Variants in IGSF21 observed in about 807,000 individuals in gnomAD.
The protein encoded by IGSF21 is immunoglobulin superfamily member 21.
A neutral mutation model predicts 46.8 loss-of-function variants in IGSF21; 28 were observed. The observed-to-expected ratio is 0.60, with a 90% CI of 0.44 to 0.82. IGSF21 has a LOEUF of 0.82. Among genes scored for constraint, IGSF21 ranks in the 40% least tolerant of loss-of-function variants. The pLI, the probability that IGSF21 is intolerant of heterozygous loss-of-function variation, is 0.00. For missense variants in IGSF21, 624 were observed against 665.5 expected (o/e 0.94, Z 0.69); for synonymous variants, 284 against 273.6 (o/e 1.04, Z -0.38).
Position 18,365,546 on chromosome 1 carries a change from C to T in IGSF21, c.864C>T (p.Arg288=), listed in dbSNP as rs1467513953. 6 of 1,614,050 alleles carry T rather than the reference C, an allele frequency of 3.7e-6. No individual in the cohort carries two copies. The highest frequency in any genetic ancestry group is 5.1e-6 in the Non-Finnish European group (6 of 1,180,040). The change falls in exon 6 of 10, where the codon CGC becomes CGT. Residue 288 remains arginine, a synonymous_variant. Transcript: ENST00000251296. The surrounding 1 kb of genome is among the most constrained non-coding windows in gnomAD (Gnocchi z 4.8). The part of the protein sequence containing the change: ...VHSAEPTYFL[R]HSRTPSSDGT... ...GCGCCGAGCCCACCTACTTCCTGCG[C>T]CACAGCCGCACCCCGAGCAGTGACG...
intron 2 of IGSF21, among the ~76,000 whole-genome samples, chr1:18,254,854 CCATT>C (rs1183680077): frequency 4.4e-5 from 5 of 114,134 alleles, no homozygotes; most frequent in Admixed American, 1.9e-4. Flanking sequence ...ATCCATCCAT[CCATT>C]CATCCATCCA....
intron 1 of IGSF21, among the ~76,000 whole-genome samples, chr1:18,219,237 CA>C (rs1034593418): frequency 4.3e-4 from 65 of 152,168 alleles, no homozygotes; most frequent in African/African-American, 1.5e-3. Flanking sequence ...GAGTCTTCTC[CA>C]AAGTGGTGAC....
chr1:18,292,136 G>A (rs1037798799), intron 3 of IGSF21, 149 bp downstream of exon 3: 12 of 850,262 alleles, frequency 1.4e-5, no homozygotes, highest in Non-Finnish European at 2.0e-5. Flanking sequence ...TATGGAAGTG[G>A]GACCCATTCC....
chr1:18,294,955 G>A (rs886495448), intron 3 of IGSF21, among the ~76,000 whole-genome samples: 2 of 152,260 alleles, frequency 1.3e-5, no homozygotes, highest in Non-Finnish European at 1.5e-5. Flanking sequence ...ATCTCAACGA[G>A]AGAGAGTCCC....
At chr1:18,231,605 T>C (rs951319786) in intron 2 of IGSF21, among the ~76,000 whole-genome samples, 1 of 152,234 alleles carries the variant, frequency 6.6e-6, no homozygotes, top group Non-Finnish European at 1.5e-5. Context: ...ATGTTAACAT[T>C]TAAATTAAAT....
At chr1:18,359,383 A>AAAGAAAGAAAGAAAGG (rs1557659626) in intron 4 of IGSF21, among the ~76,000 whole-genome samples, 37 of 61,070 alleles carry the variant, frequency 6.1e-4, no homozygotes, top group Middle Eastern at 7.8e-3. Context: ...AGAAAGAAAG[A>AAAGAAAGAAAGAAAGG]AAGGAAGGAA....
intron 2 of IGSF21, among the ~76,000 whole-genome samples, chr1:18,287,113 G>A (rs1166906216): frequency 2.7e-5 from 4 of 149,846 alleles, no homozygotes; most frequent in African/African-American, 4.9e-5. Context: ...CCCGGGAGGC[G>A]GAGCTTGCAG....
chr1:18,170,433 T>G lies in IGSF21; in HGVS notation c.71-57465T>G, dbSNP rs140184157. Among the ~76,000 whole-genome samples the G allele has an allele frequency of 3.2e-3, 487 of 152,046 alleles. 1 individual carries two copies. The highest frequency in any genetic ancestry group is 0.011 in the African/African-American group (459 of 41,502). On this transcript the variant is annotated intron_variant, in intron 1 of 9. Coordinates refer to ENST00000251296, the MANE Select transcript of IGSF21 (RefSeq NM_032880.5). ...AGACCTCATTTGGATAATACATTAATATACAGAGTGCCAGGTCCCACTTCC... is the reference window on the plus strand; with the variant it reads ...AGACCTCATTTGGATAATACATTAAGATACAGAGTGCCAGGTCCCACTTCC...
intron 1 of IGSF21, among the ~76,000 whole-genome samples, chr1:18,161,329 C>A (rs1459451757): frequency 3.9e-5 from 6 of 152,050 alleles, no homozygotes; most frequent in Non-Finnish European, 7.4e-5. Context: ...CGCAGAGGAG[C>A]AAGCAGAGGT....
intron 6 of IGSF21, among the ~76,000 whole-genome samples, chr1:18,367,213 G>T (rs11260991): frequency 0.25 from 37,778 of 151,990 alleles, 5,089 homozygotes; most frequent in Non-Finnish European, 0.3. Context: ...GTGTTCTAGA[G>T]AGCTTCTGTT....
At chr1:18,206,433 C>A (rs922654578) in intron 1 of IGSF21, among the ~76,000 whole-genome samples, 1 of 151,872 alleles carries the variant, frequency 6.6e-6, no homozygotes, top group African/African-American at 2.4e-5. Context: ...CCTGTAATCC[C>A]AGCTACTGGG....
At chr1:18,121,617 C>T (rs573920815) in intron 1 of IGSF21, among the ~76,000 whole-genome samples, 8 of 152,182 alleles carry the variant, frequency 5.3e-5, no homozygotes, top group Non-Finnish European at 1.2e-4. Flanking sequence ...CACCTGCCCT[C>T]GCCGACATGC....
At chr1:18,280,597 CT>C (rs2085149448) in intron 2 of IGSF21, among the ~76,000 whole-genome samples, 1 of 152,158 alleles carries the variant, frequency 6.6e-6, no homozygotes, top group South Asian at 2.1e-4. Flanking sequence ...GATGGTGGTG[CT>C]ATTGCTATCC....
At chr1:18,205,817 A>G (rs1240214296) in intron 1 of IGSF21, among the ~76,000 whole-genome samples, 1 of 152,208 alleles carries the variant, frequency 6.6e-6, no homozygotes, top group African/African-American at 2.4e-5. Context: ...TCAAAATTCT[A>G]CCTACGGGGT....
chr1:18,139,962 A>G (rs995943801), intron 1 of IGSF21, among the ~76,000 whole-genome samples: 2 of 152,096 alleles, frequency 1.3e-5, no homozygotes, highest in African/African-American at 4.8e-5. Flanking sequence ...AAAAAATTTT[A>G]TTTAGACAGG....
At chr1:18,244,807 A>AAAT (rs879434282) in intron 2 of IGSF21, among the ~76,000 whole-genome samples, 14 of 152,014 alleles carry the variant, frequency 9.2e-5, no homozygotes, top group African/African-American at 1.2e-4. Context: ...TATTATCTGC[A>AAAT]AATAATAATA....
At chr1:18,293,673 A>C (rs932526171) in intron 3 of IGSF21, among the ~76,000 whole-genome samples, 1 of 152,232 alleles carries the variant, frequency 6.6e-6, no homozygotes, top group Admixed American at 6.5e-5. Context: ...TTTTGGAGAA[A>C]ATAGCTATTC....
chr1:18,307,655 G>T (rs142787640), intron 3 of IGSF21, among the ~76,000 whole-genome samples: 3 of 152,210 alleles, frequency 2.0e-5, no homozygotes, highest in Non-Finnish European at 4.4e-5. Flanking sequence ...AAGGGGATGC[G>T]CAATCCCCAT....
intron 4 of IGSF21, among the ~76,000 whole-genome samples, chr1:18,359,505 AAGG>A (rs1216110997): frequency 0.015 from 1,212 of 81,988 alleles, 35 homozygotes; most frequent in African/African-American, 0.063. Flanking sequence ...GGAAGGAAGG[AAGG>A]AAGGAAAAGC....
Sources: allele counts gnomAD v4.1 joint callset (sites outside exome capture counted in the v4.1 genomes callset), GRCh38; gene constraint gnomAD v4.1.1; non-coding constraint Gnocchi (gnomAD v3.1); transcripts MANE v1.5; gene names NCBI Gene and HGNC (gene_info 2026-07-23, HGNC 2026-07-21).